WNK1: variants seen among roughly 807,000 people sequenced by gnomAD.
WNK1 encodes WNK lysine deficient protein kinase 1, also known as serine/threonine-protein kinase WNK1.
In WNK1, 38 loss-of-function variants were observed where a neutral mutation model predicts 222.8. The ratio of observed to expected loss-of-function variants is 0.17; its 90% confidence interval spans 0.13 to 0.22. The LOEUF (loss-of-function observed/expected upper bound fraction) is 0.22. Among genes scored for constraint, WNK1 ranks in the 10% least tolerant of loss-of-function variants. WNK1 has a pLI of 1.00. For synonymous variants in WNK1, 1,090 were observed against 1,092.9 expected (o/e 1.00, Z 0.05); for missense variants, 2,348 against 2,918.4 (o/e 0.80, Z 4.50).
intron 10 of WNK1, among the ~76,000 whole-genome samples, chr12:879,347 A>T (rs1249564182): frequency 1.3e-5 from 2 of 151,688 alleles, no homozygotes; most frequent in African/African-American, 2.4e-5. Flanking sequence ...GTAGAACAGT[A>T]ATAGTCTATT....
At chr12:774,773 T>A (rs1942917330) in intron 1 of WNK1, among the ~76,000 whole-genome samples, 1 of 152,228 alleles carries the variant, frequency 6.6e-6, no homozygotes. Flanking sequence ...CTATAGTTTA[T>A]GTCTGCAGAA....
chr12:779,752 G>T (rs1943506393), intron 1 of WNK1, among the ~76,000 whole-genome samples: 1 of 152,138 alleles, frequency 6.6e-6, no homozygotes, highest in African/African-American at 2.4e-5. Context: ...CGTGTGAATT[G>T]ACTGGACTGT....
intron 27 of WNK1, chr12:908,270 A>C: frequency 2.8e-6 from 2 of 726,986 alleles, no homozygotes; most frequent in Non-Finnish European, 4.6e-6. Flanking sequence ...CCTCAACTAC[A>C]CACACACAGA....
chr12:832,099 G>A (rs181727015), intron 4 of WNK1, among the ~76,000 whole-genome samples: 4 of 151,612 alleles, frequency 2.6e-5, no homozygotes, highest in East Asian at 1.9e-4. Context: ...TTTTTGAGAC[G>A]GCGTCTCGCT....
In WNK1 at chr12:881,985, G is replaced by T; in HGVS notation, c.3284G>T (p.Gly1095Val). The change falls in exon 14 of 28, where the codon GGA becomes GTA. Residue 1095 changes from glycine (G) to valine (V), a missense_variant. Physicochemically the swap from Gly to Val is moderately radical, Grantham distance 109. This residue lies in a region of WNK1 where 547 missense variants were observed against 558.3 expected (regional missense o/e 0.98). Transcript: ENST00000315939. ...CCATCTTCCAGTGGAAGGCATGAAG[G>T]AAGAACTACAAAACGGCATTACCGA... ...NVPSSSGRHE[G>V]RTTKRHYRKS... The T allele has an allele frequency of 6.2e-7, 1 of 1,614,158 alleles. No individual in the cohort carries two copies.
chr12:883,679 C>T, intron 16 of WNK1, 95 bp from the exon 17 acceptor site: 4 of 1,597,742 alleles, frequency 2.5e-6, no homozygotes, highest in East Asian at 2.2e-5. Flanking sequence ...TGACCGACAA[C>T]AAACTTTTAT....
chr12:829,981 T>C, intron 3 of WNK1, 22 bp from the exon 4 acceptor site: 1 of 1,614,040 alleles, frequency 6.2e-7, no homozygotes, highest in Non-Finnish European at 8.5e-7. Context: ...GCATTGAGTC[T>C]GAATCGTTCT....
rs1954747527 is a variant in WNK1 at position 896,561 on chromosome 12, A to T, written c.6074A>T (p.Asp2025Val). The T allele has an allele frequency of 1.9e-6, 3 of 1,612,994 alleles. No homozygotes were observed. The highest frequency in any genetic ancestry group is 1.3e-5 in the African/African-American group (1 of 74,518). The change falls in exon 24 of 28, where the codon GAT becomes GTT. Residue 2025 changes from aspartate to valine, a missense_variant. Around this residue, in one of 13 missense-constraint regions of WNK1, gnomAD observed 1,144 missense variants for 1,273.6 expected, o/e 0.90. Transcript: ENST00000315939. ...EAAFLSRDVD[D>V]GSGSPHSPHQ... is the part of the protein sequence containing the mutation. ...GCTTTTTTAAGTAGGGATGTGGATG[A>T]TGGTTCCGGTAGTCCACACTCGCCC...
chr12:863,800 T>C (rs912099383), intron 8 of WNK1, among the ~76,000 whole-genome samples: 3 of 152,214 alleles, frequency 2.0e-5, no homozygotes, highest in Non-Finnish European at 2.9e-5. Flanking sequence ...ATTTCAGGAA[T>C]GTGGCTTACA....
chr12:901,300 C>A (rs919233199), intron 26 of WNK1, among the ~76,000 whole-genome samples: 6 of 152,222 alleles, frequency 3.9e-5, no homozygotes, highest in African/African-American at 1.2e-4. Context: ...AGTCTCTTCA[C>A]AGGAAGAATG....
chr12:759,829 T>A (rs1940767920), intron 1 of WNK1, among the ~76,000 whole-genome samples: 1 of 147,810 alleles, frequency 6.8e-6, no homozygotes. Context: ...GTAAAATGGG[T>A]GTAAAAAAGA....
intron 4 of WNK1, among the ~76,000 whole-genome samples, chr12:847,179 AC>A (rs72648640): frequency 1.3e-5 from 2 of 152,204 alleles, no homozygotes; most frequent in Non-Finnish European, 2.9e-5. Flanking sequence ...AGCTGACCTT[AC>A]TTACCTACCC....
rs1273197140 is a variant in WNK1 at position 865,395 on chromosome 12, C to T, written c.2139+3125C>T. The stretch of plus-strand genomic sequence containing the variant: ...TAACTGTAAACTTCTGACAAATGAA[C>T]AATTATTACCAATGAATACATCCAG... On this transcript the variant is annotated intron_variant, in intron 8 of 27. Transcript: ENST00000315939. The T allele has an allele frequency of 4.6e-6, 7 of 1,521,182 alleles. No homozygotes were observed. The East Asian group carries it at 1.5e-4, about 32-fold the overall frequency. 94.2% of individuals were successfully genotyped at this position (1,521,182 alleles called of 1,614,324 possible).
rs566258474 is a variant in WNK1, at chr12:906,044, T to C, written c.6644-1803T>C. On this transcript the variant is annotated intron_variant, in intron 26 of 27. Coordinates refer to ENST00000315939, the MANE Select transcript of WNK1 (RefSeq NM_018979.4). ...AAGCTTGACTTGAGACCAGCGATGG[T>C]CAGTAACAGGCTTTGAAGTGGCAGG... Among the ~76,000 whole-genome samples, 5 of 152,292 alleles carry C rather than the reference T, an allele frequency of 3.3e-5. No individual in the cohort carries two copies. The South Asian group carries it at 8.3e-4, about 25-fold the overall frequency.
At chr12:892,063 C>CTTTTTTTTTTTTTTATTT (rs56227513) in intron 22 of WNK1, among the ~76,000 whole-genome samples, 1 of 135,070 alleles carries the variant, frequency 7.4e-6, no homozygotes, top group African/African-American at 2.8e-5. Flanking sequence ...GCTTGGAAAT[C>CTTTTTTTTTTTTTTATTT]TTTTTTTTTT....
In WNK1 at chr12:861,306, A is replaced by G. The variant is rs774152857; in HGVS notation, c.1914A>G (p.Gln638=). 1 of 1,614,164 alleles carries G rather than the reference A, an allele frequency of 6.2e-7. No individual in the cohort carries two copies. Among genetic ancestry groups the G allele is most frequent in the Admixed American group, 1.7e-5 (1 of 60,020 alleles). Reference sequence around the variant, plus strand: ...AAGAACCTGAGGCAGATCAACATCAACAACTACAGTACCAGCAACCCAGTA... The same window carrying G: ...AAGAACCTGAGGCAGATCAACATCAGCAACTACAGTACCAGCAACCCAGTA... ...EPEEPEADQH[Q]QLQYQQPSIS... is the part of the protein sequence containing the mutation. Residue 638 remains glutamine, a synonymous_variant, in exon 7 of 28, where the codon CAA becomes CAG. Coordinates refer to ENST00000315939, the MANE Select transcript of WNK1 (RefSeq NM_018979.4).
chr12:882,088 T>C lies in WNK1; in HGVS notation c.3372+15T>C. On this transcript the variant is annotated intron_variant, in intron 14 of 27. Transcript: ENST00000315939. Reference sequence around the variant, plus strand: ...GAATTTTGAATGTAAGTATTCCTAATTTGTGAGTTTCATGTTGTTAAAGGA... The same window carrying C: ...GAATTTTGAATGTAAGTATTCCTAACTTGTGAGTTTCATGTTGTTAAAGGA... 6.3e-7 allele frequency: 1 copy of C among 1,598,238 alleles called. No individual in the cohort carries two copies. Among genetic ancestry groups the C allele is most frequent in the African/African-American group, 1.3e-5 (1 of 74,696 alleles).
At chr12:869,732 A>C (rs1382480811) in intron 8 of WNK1, among the ~76,000 whole-genome samples, 1 of 152,118 alleles carries the variant, frequency 6.6e-6, no homozygotes, top group Non-Finnish European at 1.5e-5. Flanking sequence ...GTGCATTATT[A>C]TATGTCCAAA....
In WNK1 at chr12:896,546, G is replaced by A. The variant is rs1555158125; in HGVS notation, c.6059G>A (p.Ser2020Asn). 6.2e-7 allele frequency: 1 copy of A among 1,613,402 alleles called. No individual in the cohort carries two copies. Among genetic ancestry groups the A allele is most frequent in the Non-Finnish European group, 8.5e-7 (1 of 1,179,904 alleles). ...TCTGACCCGGAGGCCGCTTTTTTAA[G>A]TAGGGATGTGGATGATGGTTCCGGT... is the stretch of plus-strand genomic sequence containing the variant. ...PSSDPEAAFL[S>N]RDVDDGSGSP... The change falls in exon 24 of 28, where the codon AGT becomes AAT. Residue 2020 changes from serine (S) to asparagine (N), a missense_variant. This residue lies in a region of WNK1 where 1,144 missense variants were observed against 1,273.6 expected (regional missense o/e 0.90). Transcript: ENST00000315939.
Sources: allele counts gnomAD v4.1 joint callset (sites outside exome capture counted in the v4.1 genomes callset), GRCh38; gene constraint gnomAD v4.1.1; regional missense constraint gnomAD v4.1.1; transcripts MANE v1.5; gene names NCBI Gene and HGNC (gene_info 2026-07-23, HGNC 2026-07-21).